The following C1QB variants were observed in gnomAD, a reference collection of about 807,000 sequenced individuals.
The protein encoded by C1QB is complement C1q B chain.
Under a neutral mutation model 4.6 loss-of-function variants are expected in C1QB, and 2 were observed. The ratio of observed to expected loss-of-function variants is 0.43; its 90% CI spans 0.18 to 1.36. The LOEUF is 1.36. Among genes scored for constraint, C1QB ranks in the 40% most tolerant of loss-of-function variants. The pLI is 0.28. For missense variants in C1QB, 292 were observed against 338.0 expected (o/e 0.86, Z 1.07); for synonymous variants, 132 against 137.1 (o/e 0.96, Z 0.26).
Position 22,660,665 on chromosome 1 carries a change from C to T in C1QB, c.182-147C>T, listed in dbSNP as rs1642606110. 6.4e-6 allele frequency: 5 copies of T among 784,012 alleles called. No homozygotes were observed. The African/African-American group carries it at 6.9e-5, about 11-fold the overall frequency. The allele number at this position is 784,012 out of a possible 1,614,324, so 48.6% of individuals were successfully genotyped here. ...CTCAGGAAGCTGGGCTGGAGGGAGA[C>T]CCAGAGCCCCTGCCTGACACTGCCT... On this transcript the variant is annotated intron_variant, in intron 2 of 2. Coordinates refer to ENST00000509305, the MANE Select transcript of C1QB (RefSeq NM_001378156.1).
intron 1 of C1QB, chr1:22,654,264 G>C (rs1642495625): frequency 6.6e-6 from 1 of 152,182 alleles, no homozygotes; most frequent in African/African-American, 2.4e-5. Flanking sequence ...CCTAACCCAA[G>C]GCTGAAACTC....
In C1QB at chr1:22,659,315, T is replaced by C. The variant is rs1204436005; in HGVS notation, c.-23-125T>C. On this transcript the variant is annotated intron_variant, in intron 1 of 2. Coordinates refer to ENST00000509305, the MANE Select transcript of C1QB (RefSeq NM_001378156.1). ...AGAGATGGATGGATGGATGGATGGA[T>C]GGATGGATGGATGCAGATGGAGGAA... The C allele has an allele frequency of 2.8e-5, 21 of 749,562 alleles. No individual in the cohort carries two copies. The African/African-American group carries it at 3.5e-4, about 12-fold the overall frequency. 46.4% of individuals were successfully genotyped at this position (749,562 alleles called of 1,614,324 possible). A position where few individuals can be genotyped will look rare whatever the true frequency, so the allele number is the denominator to read the frequency against.
In C1QB at chr1:22,661,457, C is replaced by T. The variant is rs369198810; in HGVS notation, c.*71C>T. On this transcript the variant is annotated 3_prime_UTR_variant, in exon 3 of 3. Transcript: ENST00000509305. ...GCTCACTCTACCCCCAACACCACCC[C>T]TTGCCCAACCAATGCACACAGTAGG... is the stretch of plus-strand genomic sequence containing the variant. The T allele has an allele frequency of 6.4e-7, 1 of 1,561,124 alleles. No homozygotes were observed.
At chr1:22,654,531 GATA>G (rs1257614597) in intron 1 of C1QB, among the ~76,000 whole-genome samples, 2 of 152,146 alleles carry the variant, frequency 1.3e-5, no homozygotes, top group Admixed American at 6.5e-5. Flanking sequence ...GGATGACAGT[GATA>G]ATAATAAAAT....
At chr1:22,660,615 C>T (rs891018831) in intron 2 of C1QB, among the ~76,000 whole-genome samples, 197 bp from the exon 3 acceptor site, 1 of 152,140 alleles carries the variant, frequency 6.6e-6, no homozygotes, top group African/African-American at 2.4e-5. Flanking sequence ...TCAGCAGCCC[C>T]CAAGAAGGTC....
chr1:22,657,500 G>A (rs912155161), intron 1 of C1QB, among the ~76,000 whole-genome samples: 1 of 152,118 alleles, frequency 6.6e-6, no homozygotes, highest in Non-Finnish European at 1.5e-5. Context: ...AAGGTCACAC[G>A]TTGTATAATT....
intron 1 of C1QB, among the ~76,000 whole-genome samples, chr1:22,658,935 ATGGATGGATGGATGGAGAGG>A (rs1642569093): frequency 6.8e-6 from 1 of 146,326 alleles, no homozygotes; most frequent in Non-Finnish European, 1.5e-5. Context: ...GGGTAGAGAG[ATGGATGGATGGATGGAGAGG>A]AGGATGGATG....
At chr1:22,659,993 G>T (rs1642596495) in intron 2 of C1QB, among the ~76,000 whole-genome samples, 1 of 152,178 alleles carries the variant, frequency 6.6e-6, no homozygotes, top group Admixed American at 6.5e-5. Context: ...TCTCTGAATT[G>T]CTATTTCCTC....
chr1:22,660,278 A>T (rs1444367374), intron 2 of C1QB, among the ~76,000 whole-genome samples: 1 of 152,190 alleles, frequency 6.6e-6, no homozygotes, highest in Non-Finnish European at 1.5e-5. Flanking sequence ...CAGATGTGAC[A>T]CGCAAAGCAC....
chr1:22,654,617 C>G (rs948072546), intron 1 of C1QB, among the ~76,000 whole-genome samples: 3 of 152,094 alleles, frequency 2.0e-5, no homozygotes, highest in African/African-American at 7.2e-5. Flanking sequence ...TCGCACATAC[C>G]CTATGAGGGA....
intron 1 of C1QB, among the ~76,000 whole-genome samples, chr1:22,657,326 G>C (rs1642544683): frequency 6.6e-6 from 1 of 152,120 alleles, no homozygotes; most frequent in South Asian, 2.1e-4. Context: ...TTGTCTGCCA[G>C]GAAAGAGGTA....
rs1379563777 is a variant in C1QB at position 22,661,390 on chromosome 1, G to A, written c.*4G>A. On this transcript the variant is annotated 3_prime_UTR_variant, in exon 3 of 3. Transcript: ENST00000509305. ...CTTTCCAGATATGGAGGCCTGACCT[G>A]TGGGCTGCTTCACATCCACCCCGGC... 6.2e-7 allele frequency: 1 copy of A among 1,613,828 alleles called. No homozygotes were observed. The highest frequency in any genetic ancestry group is 1.7e-5 in the Admixed American group (1 of 60,018).
chr1:22,655,898 C>T (rs1013827730), intron 1 of C1QB, among the ~76,000 whole-genome samples: 2 of 152,066 alleles, frequency 1.3e-5, no homozygotes, highest in African/African-American at 2.4e-5. Context: ...ACCCAAGCTT[C>T]GAATGAAGAA....
intron 1 of C1QB, among the ~76,000 whole-genome samples, chr1:22,655,107 A>G (rs1444501182): frequency 6.6e-6 from 1 of 152,218 alleles, no homozygotes; most frequent in Admixed American, 6.5e-5. Context: ...GCTGAATATC[A>G]AATTACAGGG....
intron 1 of C1QB, among the ~76,000 whole-genome samples, chr1:22,655,479 C>T (rs776298799): frequency 6.8e-6 from 1 of 148,068 alleles, no homozygotes; most frequent in Non-Finnish European, 1.5e-5. Context: ...TGTCTGGTCC[C>T]AGGGAGCCCT....
intron 1 of C1QB, 73 bp from the exon 2 acceptor site, chr1:22,659,364 ATGG>A: frequency 1.6e-6 from 2 of 1,257,052 alleles, no homozygotes; most frequent in Non-Finnish European, 2.3e-6. Flanking sequence ...GGATGGATGG[ATGG>A]ATGGATGGAT....
chr1:22,659,292 A>AGATGGATGGATGGATG (rs56917855), intron 1 of C1QB, 148 bp from the exon 2 acceptor site: 30 of 648,098 alleles, frequency 4.6e-5, no homozygotes, highest in African/African-American at 1.3e-4. Context: ...AGGGATAGAG[A>AGATGGATGGATGGATG]GATGGATGGA....
chr1:22,659,393 TGATA>T, intron 1 of C1QB, 43 bp from the exon 2 acceptor site: 2 of 1,437,904 alleles, frequency 1.4e-6, no homozygotes, highest in Non-Finnish European at 1.9e-6. Context: ...GATGGATGGA[TGATA>T]GGATCACCAC....
intron 1 of C1QB, among the ~76,000 whole-genome samples, chr1:22,658,569 C>T (rs1642560529): frequency 6.6e-6 from 1 of 152,244 alleles, no homozygotes; most frequent in African/African-American, 2.4e-5. Context: ...TTATATCTGT[C>T]CCCACTAGGG....
Sources: allele counts gnomAD v4.1 joint callset (sites outside exome capture counted in the v4.1 genomes callset), GRCh38; gene constraint gnomAD v4.1.1; transcripts MANE v1.5; gene names NCBI Gene and HGNC (gene_info 2026-07-23, HGNC 2026-07-21).